VWA3B: variants seen among roughly 807,000 people sequenced by gnomAD.
VWA3B encodes von Willebrand factor A domain containing 3B.
Under a neutral mutation model 158.3 loss-of-function variants are expected in VWA3B, and 138 were observed. The ratio of observed to expected loss-of-function variants is 0.87; its 90% CI spans 0.76 to 1.00. The LOEUF (loss-of-function observed/expected upper bound fraction) is 1.00, where lower values mean the gene tolerates loss of function less well. Ranked by LOEUF, VWA3B falls within the 50% of genes least tolerant of loss-of-function variation. VWA3B has a pLI of 0.00. For synonymous variants in VWA3B, 596 were observed against 587.3 expected, an observed-to-expected ratio of 1.01 and a Z score of -0.21; for missense variants, 1,555 against 1,565.1, an observed-to-expected ratio of 0.99 and a Z score of 0.11.
At chr2:98,092,899 A>G (rs78467405) in intron 1 of VWA3B, among the ~76,000 whole-genome samples, 162 bp from the exon 2 acceptor site, 1,846 of 142,050 alleles carry the variant, frequency 0.013, 101 homozygotes, top group East Asian at 0.12. Context: ...TTAGCAATTC[A>G]TGTGACTGTC....
chr2:98,319,796 C>T, the VWA3B span, among the ~76,000 whole-genome samples: 8 of 151,796 alleles, frequency 5.3e-5, no homozygotes, highest in Admixed American at 1.3e-4. Flanking sequence ...ATGAGAATGG[C>T]TTGAACCTGG....
At chr2:98,168,750 G>A (rs1679325775) in intron 8 of VWA3B, among the ~76,000 whole-genome samples, 1 of 152,116 alleles carries the variant, frequency 6.6e-6, no homozygotes. Flanking sequence ...AAAGAGATGA[G>A]TGGACTTGAA....
At chr2:98,264,157 A>G (rs1180023422) in intron 21 of VWA3B, among the ~76,000 whole-genome samples, 1 of 149,692 alleles carries the variant, frequency 6.7e-6, no homozygotes, top group East Asian at 1.9e-4. Context: ...AGAATTTGTC[A>G]ATTTTGTAGG....
rs1559562193 is a variant in VWA3B, at chr2:98,135,332, T to TC, written c.988+1393_988+1394insC. Among the ~76,000 whole-genome samples, 13 of 118,816 alleles carry TC rather than the reference T, an allele frequency of 1.1e-4. No individual in the cohort carries two copies. In the South Asian group the frequency reaches 1.5e-3, roughly 14 times the overall value. 77.9% of individuals were successfully genotyped at this position (118,816 alleles called of 152,430 possible). A position where few individuals can be genotyped will look rare whatever the true frequency, so the allele number is the denominator to read the frequency against. The stretch of plus-strand genomic sequence containing the variant: ...ACATACAAAAACATTTTTCTTTTTT[T>TC]TTTTTTTTTTTTTTTTTTTTTGAGA... On this transcript the variant is annotated intron_variant, in intron 7 of 27. Transcript: ENST00000477737.
intron 12 of VWA3B, among the ~76,000 whole-genome samples, chr2:98,211,032 C>T (rs1683463922): frequency 1.3e-5 from 2 of 152,214 alleles, no homozygotes. Flanking sequence ...ATCCAGCGCT[C>T]TGCAGTGGAA....
intron 22 of VWA3B, among the ~76,000 whole-genome samples, chr2:98,278,760 G>A (rs1574264874): frequency 6.6e-6 from 1 of 152,128 alleles, no homozygotes; most frequent in Non-Finnish European, 1.5e-5. Flanking sequence ...TGGGGGGGTG[G>A]TGTGGGCCAG....
intron 14 of VWA3B, among the ~76,000 whole-genome samples, chr2:98,218,948 G>C (rs1429930368): frequency 1.3e-5 from 2 of 152,172 alleles, no homozygotes; most frequent in Non-Finnish European, 2.9e-5. Flanking sequence ...TCTTGCCTCG[G>C]TAGTGGGAGC....
chr2:98,223,308 C>CAA (rs35992329), intron 14 of VWA3B, among the ~76,000 whole-genome samples: 6,354 of 123,442 alleles, frequency 0.051, 249 homozygotes, highest in Middle Eastern at 0.1. Flanking sequence ...GAAAATAGAC[C>CAA]AAAAAAAAAA....
chr2:98,153,058 A>G (rs1677763817), intron 7 of VWA3B, among the ~76,000 whole-genome samples: 1 of 152,126 alleles, frequency 6.6e-6, no homozygotes, highest in Non-Finnish European at 1.5e-5. Flanking sequence ...TACCCCACCC[A>G]CGACAGGCGT....
chr2:98,152,180 G>A (rs139561593), intron 7 of VWA3B, among the ~76,000 whole-genome samples: 167 of 152,364 alleles, frequency 1.1e-3, no homozygotes, highest in Admixed American at 2.1e-3. Context: ...ATCTGACTCA[G>A]TGGTAAGTAG....
Position 98,178,261 on chromosome 2 carries a change from C to T in VWA3B, c.1115-2755C>T, listed in dbSNP as rs116561250. Among the ~76,000 whole-genome samples the T allele has an allele frequency of 3.4e-3, 517 of 152,210 alleles. 5 individuals carry two copies. The highest frequency in any genetic ancestry group is 0.012 in the African/African-American group (496 of 41,532). ...TCATGGAAAAGCCAGCTCCAGGTGTCGGGGATGCTGCTCTGAGGGGCTTTT... is the reference window on the plus strand; with the variant it reads ...TCATGGAAAAGCCAGCTCCAGGTGTTGGGGATGCTGCTCTGAGGGGCTTTT... On this transcript the variant is annotated intron_variant, in intron 8 of 27. Coordinates refer to ENST00000477737, the MANE Select transcript of VWA3B (RefSeq NM_144992.5).
intron 22 of VWA3B, among the ~76,000 whole-genome samples, chr2:98,277,820 T>C (rs112699739): frequency 2.4e-3 from 373 of 152,326 alleles, no homozygotes; most frequent in Middle Eastern, 0.014. Flanking sequence ...TTTGACACTA[T>C]ACATGCAGGA....
intron 2 of VWA3B, among the ~76,000 whole-genome samples, chr2:98,105,469 A>C (rs1302522813): frequency 1.3e-5 from 2 of 152,246 alleles, no homozygotes; most frequent in African/African-American, 2.4e-5. Flanking sequence ...ACTACAATCA[A>C]GAGAGAGAAC....
rs1376194533 is a variant in VWA3B, at chr2:98,181,188, G to T, written c.1287G>T (p.Glu429Asp). 1 of 1,614,062 alleles carries T rather than the reference G, an allele frequency of 6.2e-7. No homozygotes were observed. The highest frequency in any genetic ancestry group is 1.3e-5 in the African/African-American group (1 of 74,944). The stretch of plus-strand genomic sequence containing the variant: ...TTGTGGATATAAAAGCCAAACCGGA[G>T]AATGAGTCCGTGCAGACCAGTGCGG... ...DGVVDIKAKP[E>D]NESVQTSAET... is the part of the protein sequence containing the mutation. The change falls in exon 9 of 28, where the codon GAG becomes GAT. Residue 429 changes from glutamate to aspartate, a missense_variant. Coordinates refer to ENST00000477737, the MANE Select transcript of VWA3B (RefSeq NM_144992.5).
chr2:98,262,484 A>G (rs1007659627), intron 21 of VWA3B, among the ~76,000 whole-genome samples: 2 of 151,828 alleles, frequency 1.3e-5, no homozygotes, highest in Non-Finnish European at 3.0e-5. Flanking sequence ...TCTTTTGCAT[A>G]TGGATAACCA....
In VWA3B at chr2:98,302,690, C is replaced by A. The variant is rs562828097; in HGVS notation, c.3421-1012C>A. The stretch of plus-strand genomic sequence containing the variant: ...TTGAAGCAAGAGGTTAAAGCACACA[C>A]CTGGTGTGTTGAGTAGGCATTCGAA... On this transcript the variant is annotated intron_variant, in intron 25 of 27. Coordinates refer to ENST00000477737, the MANE Select transcript of VWA3B (RefSeq NM_144992.5). Among the ~76,000 whole-genome samples, 4 of 152,304 alleles carry A rather than the reference C, an allele frequency of 2.6e-5. No homozygotes were observed. In the East Asian group the frequency reaches 7.7e-4, roughly 29 times the overall value.
chr2:98,312,466 A>G lies in VWA3B; in HGVS notation c.*117A>G, dbSNP rs1466944. The G allele has an allele frequency of 0.47, 611,662 of 1,295,874 alleles. 148,377 individuals carry two copies. Among genetic ancestry groups the G allele is most frequent in the Non-Finnish European group, 0.51 (487,249 of 963,186 alleles). 80.3% of individuals were successfully genotyped at this position (1,295,874 alleles called of 1,614,324 possible). On this transcript the variant is annotated 3_prime_UTR_variant, in exon 28 of 28. Transcript: ENST00000477737. Reference sequence around the variant, plus strand: ...GGTAAGGCCGCCCTCCGCGCCGCCTATGCCTGCCCTGTCTGTAGCAAAGAC... The same window carrying G: ...GGTAAGGCCGCCCTCCGCGCCGCCTGTGCCTGCCCTGTCTGTAGCAAAGAC...
chr2:98,128,094 G>A lies in VWA3B; in HGVS notation c.703-145G>A, dbSNP rs1217834807. On this transcript the variant is annotated intron_variant, in intron 5 of 27. Transcript: ENST00000477737. ...ATCTCACTTCCTGACTGGCCCTGAT[G>A]TCCTCAGAAAACCCTGGGCAGGGCT... 9.7e-6 allele frequency: 9 copies of A among 932,152 alleles called. No homozygotes were observed. The East Asian group carries it at 9.8e-5, about 10-fold the overall frequency. 57.7% of individuals were successfully genotyped at this position (932,152 alleles called of 1,614,324 possible).
At chr2:98,137,713 GT>G (rs1309957415) in intron 7 of VWA3B, among the ~76,000 whole-genome samples, 2 of 152,074 alleles carry the variant, frequency 1.3e-5, no homozygotes, top group African/African-American at 2.4e-5. Context: ...TCTCACTAAA[GT>G]TTTTATTCAT....
Sources: allele counts gnomAD v4.1 joint callset (sites outside exome capture counted in the v4.1 genomes callset), GRCh38; gene constraint gnomAD v4.1.1; transcripts MANE v1.5; gene names NCBI Gene and HGNC (gene_info 2026-07-23, HGNC 2026-07-21).